The following CDH26 variants were observed in gnomAD, a reference collection of about 807,000 sequenced individuals.
CDH26 encodes cadherin 26.
A neutral mutation model predicts 90.3 loss-of-function variants in CDH26; 83 were observed. That is an observed-to-expected ratio of 0.92 (90% CI 0.77 to 1.10). The LOEUF (loss-of-function observed/expected upper bound fraction) is 1.10, where lower values mean the gene tolerates loss of function less well. CDH26 is among the 50% of genes least tolerant of loss of function. The probability of loss-of-function intolerance (pLI) is 0.00; values close to 1 mark genes in which losing one functional copy is unlikely to be tolerated. For missense variants in CDH26, 1,013 were observed against 1,037.6 expected (o/e 0.98, Z 0.33); for synonymous variants, 397 against 396.3 (o/e 1.00, Z -0.02).
intron 1 of CDH26, among the ~76,000 whole-genome samples, chr20:59,968,249 C>T (rs2061204878): frequency 6.6e-6 from 1 of 151,828 alleles, no homozygotes; most frequent in African/African-American, 2.4e-5. Flanking sequence ...AGGCGCGTGC[C>T]ACCATGGCCG....
intron 16 of CDH26, among the ~76,000 whole-genome samples, chr20:60,005,467 T>C (rs764206214): frequency 8.7e-5 from 13 of 150,058 alleles, no homozygotes; most frequent in African/African-American, 3.2e-4. Flanking sequence ...TATATGTGCA[T>C]GTGTATATAT....
intron 1 of CDH26, among the ~76,000 whole-genome samples, chr20:59,967,841 CTTTCTTT>C (rs2061174092): frequency 1.2e-5 from 1 of 82,894 alleles, no homozygotes; most frequent in Non-Finnish European, 2.1e-5. Flanking sequence ...TTCTTTCTTT[CTTTCTTT>C]CTTTCTTTCT....
chr20:59,987,500 T>A lies in CDH26; in HGVS notation c.885T>A (p.Arg295=), dbSNP rs766543757. ...GCCGAGCCAGCCAGGGCGTGTTGCG[T>A]CTCCTGGTTCAAGATCGAGATTCTC... ...PEGRASQGVL[R]LLVQDRDSPF... is the part of the protein sequence containing the mutation. Residue 295 remains arginine, a synonymous_variant, in exon 8 of 18, where the codon CGT becomes CGA. Coordinates refer to ENST00000348616, the MANE Select transcript of CDH26 (RefSeq NM_177980.4). 2 of 1,613,776 alleles carry A rather than the reference T, an allele frequency of 1.2e-6. No homozygotes were observed. Among genetic ancestry groups the A allele is most frequent in the Admixed American group, 1.7e-5 (1 of 59,920 alleles).
chr20:60,032,664 A>T (rs905600229), intron 8 of CDH26, among the ~76,000 whole-genome samples: 4 of 152,158 alleles, frequency 2.6e-5, no homozygotes, highest in African/African-American at 9.6e-5. Context: ...AATACTATTC[A>T]GCCATAAAAA....
chr20:59,974,618 G>T (rs2061305742), intron 4 of CDH26, among the ~76,000 whole-genome samples: 1 of 152,156 alleles, frequency 6.6e-6, no homozygotes. Flanking sequence ...AGGGCCCTAT[G>T]CTTGGAGCTC....
intron 4 of CDH26, among the ~76,000 whole-genome samples, chr20:59,975,889 T>G (rs773129348): frequency 6.6e-6 from 1 of 152,128 alleles, no homozygotes; most frequent in Non-Finnish European, 1.5e-5. Flanking sequence ...TAACATTTAT[T>G]AACTCCATGC....
chr20:60,004,042 G>T (rs145470255), intron 16 of CDH26, among the ~76,000 whole-genome samples: 1 of 152,190 alleles, frequency 6.6e-6, no homozygotes, highest in Admixed American at 6.5e-5. Flanking sequence ...CACATCTTAA[G>T]GGTCCTCCTC....
At chr20:59,971,222 G>A (rs766823192) in intron 3 of CDH26, among the ~76,000 whole-genome samples, 14 of 152,152 alleles carry the variant, frequency 9.2e-5, no homozygotes, top group Non-Finnish European at 1.8e-4. Flanking sequence ...AAAGAGTACA[G>A]AAAGTTTTCA....
intron 7 of CDH26, among the ~76,000 whole-genome samples, chr20:59,986,954 A>T (rs1335919514): frequency 6.6e-6 from 1 of 152,214 alleles, no homozygotes; most frequent in Admixed American, 6.5e-5. Flanking sequence ...CTGGAAAAAA[A>T]ATATACCCTC....
In CDH26 at chr20:60,033,821, TA is replaced by T; in HGVS notation, c.*147del. 8 of 952,716 alleles carry T rather than the reference TA, an allele frequency of 8.4e-6. No individual in the cohort carries two copies. In the South Asian group the frequency reaches 8.6e-5, roughly 10 times the overall value. 59.0% of individuals were successfully genotyped at this position (952,716 alleles called of 1,614,324 possible). On this transcript the variant is annotated 3_prime_UTR_variant, in exon 9 of 9. Transcript: ENST00000370991. Reference sequence around the variant, plus strand: ...TGTGTGTGTGATCATGAAGAAGAAATAATGTGCAAAGCCCTGGTCATAAATA... The same window carrying T: ...TGTGTGTGTGATCATGAAGAAGAAATATGTGCAAAGCCCTGGTCATAAATA...
chr20:59,968,259 G>T (rs539052183), intron 1 of CDH26, among the ~76,000 whole-genome samples: 6 of 151,584 alleles, frequency 4.0e-5, no homozygotes, highest in Admixed American at 1.3e-4. Context: ...CACCATGGCC[G>T]GCTAATTTTT....
intron 7 of CDH26, among the ~76,000 whole-genome samples, chr20:60,022,623 G>A (rs2061967086): frequency 6.6e-6 from 1 of 152,220 alleles, no homozygotes; most frequent in Admixed American, 6.5e-5. Flanking sequence ...AGCCGTCAAG[G>A]ATATCAAGAC....
At chr20:60,011,599 C>T (rs73131342) in intron 17 of CDH26, among the ~76,000 whole-genome samples, 3,297 of 152,250 alleles carry the variant, frequency 0.022, 55 homozygotes, top group Non-Finnish European at 0.031. Context: ...GCCATTGTTC[C>T]GTGAAAGCAG....
rs1180016524 is a variant in CDH26 at position 59,989,016 on chromosome 20, C to T, written c.1136C>T (p.Ala379Val). ...CTTCAGCCGCCAAGGAAGGCAGCAG[C>T]CAGCGCCACTGTGAGTGTGCAGGTG... ...GKLQPPRKAA[A>V]SATVSVQVTD... The change falls in exon 9 of 18, where the codon GCC becomes GTC. Residue 379 changes from alanine (A) to valine (V), a missense_variant. Coordinates refer to ENST00000348616, the MANE Select transcript of CDH26 (RefSeq NM_177980.4). The T allele has an allele frequency of 6.2e-7, 1 of 1,614,186 alleles. No individual in the cohort carries two copies. The highest frequency in any genetic ancestry group is 2.2e-5 in the East Asian group (1 of 44,880).
chr20:59,961,534 C>T lies in CDH26; in HGVS notation c.69+2739C>T, dbSNP rs114569846. On this transcript the variant is annotated intron_variant, in intron 1 of 17. Transcript: ENST00000348616. Reference sequence around the variant, plus strand: ...ATTCCGTTCCATTCCTTTACATCCCCGCCCCCTGAATTGGCTTATTGCCAT... The same window carrying T: ...ATTCCGTTCCATTCCTTTACATCCCTGCCCCCTGAATTGGCTTATTGCCAT... Among the ~76,000 whole-genome samples the T allele has an allele frequency of 5.0e-3, 767 of 152,238 alleles. 5 individuals are homozygous for T. Among genetic ancestry groups the T allele is most frequent in the African/African-American group, 0.018 (733 of 41,534 alleles).
Position 59,958,767 on chromosome 20 carries a change from T to C in CDH26, c.41T>C (p.Leu14Pro). ...GGGAGGCACCCCTCGCTGCTGCTGC[T>C]TCTAGTGCTGCTGCTGTGGCTGCTG... ...RSGRHPSLLL[L>P]LVLLLWLLQV... The change falls in exon 1 of 18, where the codon CTT becomes CCT. Residue 14 changes from leucine (L) to proline (P), a missense_variant. Transcript: ENST00000348616. 6.2e-7 allele frequency: 1 copy of C among 1,614,070 alleles called. No individual in the cohort carries two copies. Among genetic ancestry groups the C allele is most frequent in the Non-Finnish European group, 8.5e-7 (1 of 1,179,966 alleles).
intron 15 of CDH26, among the ~76,000 whole-genome samples, chr20:60,002,280 C>T (rs1212756323): frequency 6.6e-6 from 1 of 151,964 alleles, no homozygotes; most frequent in Non-Finnish European, 1.5e-5. Flanking sequence ...CTGAAGGGCT[C>T]CCGCATTGAT....
intron 4 of CDH26, among the ~76,000 whole-genome samples, chr20:59,979,862 C>T (rs533042253): frequency 2.7e-4 from 40 of 150,856 alleles, no homozygotes; most frequent in South Asian, 1.5e-3. Context: ...CCTGACCTCA[C>T]GTGATCCACC....
In CDH26 at chr20:59,958,747, G is replaced by A. The variant is rs2145962800; in HGVS notation, c.21G>A (p.Arg7=). Residue 7 remains arginine, a synonymous_variant, in exon 1 of 18, where the codon AGG becomes AGA. Coordinates refer to ENST00000348616, the MANE Select transcript of CDH26 (RefSeq NM_177980.4). ...CCCATATGGCCATGAGATCCGGGAG[G>A]CACCCCTCGCTGCTGCTGCTTCTAG... MAMRSG[R]HPSLLLLLVL... 6.2e-7 allele frequency: 1 copy of A among 1,614,188 alleles called. No individual in the cohort carries two copies. Among genetic ancestry groups the A allele is most frequent in the East Asian group, 2.2e-5 (1 of 44,874 alleles).
Sources: allele counts gnomAD v4.1 joint callset (sites outside exome capture counted in the v4.1 genomes callset), GRCh38; gene constraint gnomAD v4.1.1; transcripts MANE v1.5; gene names NCBI Gene and HGNC (gene_info 2026-07-23, HGNC 2026-07-21).